STXBP5L: variants seen among roughly 807,000 people sequenced by gnomAD.
STXBP5L encodes the protein syntaxin binding protein 5L.
A neutral mutation model predicts 144.5 loss-of-function variants in STXBP5L; 65 were observed. The observed-to-expected ratio is 0.45, with a 90% CI of 0.37 to 0.55. The LOEUF is 0.55. Ranked by LOEUF, STXBP5L falls within the 20% of genes least tolerant of loss-of-function variation. STXBP5L has a pLI of 0.00. For synonymous variants in STXBP5L, 505 were observed against 469.6 expected (o/e 1.08, Z -0.97); for missense variants, 1,298 against 1,405.5 (o/e 0.92, Z 1.22).
intron 18 of STXBP5L, among the ~76,000 whole-genome samples, chr3:121,272,432 A>G (rs1276406774): frequency 6.6e-6 from 1 of 152,156 alleles, no homozygotes; most frequent in African/African-American, 2.4e-5. Context: ...TTCTGATATA[A>G]TTAAGCTACC....
chr3:121,076,969 A>C (rs1381735878), intron 5 of STXBP5L, among the ~76,000 whole-genome samples: 1 of 152,062 alleles, frequency 6.6e-6, no homozygotes, highest in Admixed American at 6.5e-5. Context: ...TATGGACTGT[A>C]TGCAGTGTCC....
intron 20 of STXBP5L, among the ~76,000 whole-genome samples, chr3:121,354,331 T>A (rs771003001): frequency 1.5e-4 from 23 of 152,102 alleles, no homozygotes; most frequent in Admixed American, 2.6e-4. Flanking sequence ...TCTTTGTATA[T>A]CTCTAAGGAC....
intron 20 of STXBP5L, among the ~76,000 whole-genome samples, chr3:121,348,320 G>T (rs1272959876): frequency 6.6e-5 from 10 of 152,094 alleles, no homozygotes; most frequent in African/African-American, 2.4e-4. Flanking sequence ...CTTGACCATG[G>T]TGGATAAGGG....
At chr3:120,977,647 CT>C (rs1941230618) in intron 3 of STXBP5L, among the ~76,000 whole-genome samples, 1 of 152,136 alleles carries the variant, frequency 6.6e-6, no homozygotes, top group Non-Finnish European at 1.5e-5. Context: ...CTTCGATGGT[CT>C]TTACAATTTG....
chr3:121,295,452 A>G (rs796185353), intron 19 of STXBP5L, among the ~76,000 whole-genome samples: 4 of 152,300 alleles, frequency 2.6e-5, no homozygotes, highest in African/African-American at 9.6e-5. Context: ...TTTACAGTGT[A>G]AATTTCTTAC....
At chr3:121,235,555 T>C (rs1429671121) in intron 12 of STXBP5L, among the ~76,000 whole-genome samples, 1 of 152,090 alleles carries the variant, frequency 6.6e-6, no homozygotes, top group Non-Finnish European at 1.5e-5. Context: ...CTCTTGCTAT[T>C]ATCAAATTCT....
chr3:120,991,242 A>G (rs1330929972), intron 3 of STXBP5L, among the ~76,000 whole-genome samples: 4 of 151,826 alleles, frequency 2.6e-5, no homozygotes, highest in Non-Finnish European at 5.9e-5. Flanking sequence ...GCTCATCATC[A>G]CTGGCCATCA....
chr3:121,405,326 T>C (rs772373401), intron 22 of STXBP5L, among the ~76,000 whole-genome samples: 1 of 152,136 alleles, frequency 6.6e-6, no homozygotes, highest in Non-Finnish European at 1.5e-5. Flanking sequence ...TCCTTAGTAC[T>C]CATTACTATC....
chr3:121,225,700 G>A (rs575924662), intron 11 of STXBP5L, among the ~76,000 whole-genome samples: 2 of 152,188 alleles, frequency 1.3e-5, no homozygotes, highest in Non-Finnish European at 2.9e-5. Context: ...GCCATGGCAG[G>A]CTAAATGCCA....
intron 3 of STXBP5L, among the ~76,000 whole-genome samples, chr3:121,014,757 G>T (rs1250061155): frequency 6.6e-6 from 1 of 151,934 alleles, no homozygotes; most frequent in African/African-American, 2.4e-5. Flanking sequence ...TGTATTTGCA[G>T]ATCTACATAT....
At chr3:121,023,486 T>C (rs1428096659) in intron 3 of STXBP5L, among the ~76,000 whole-genome samples, 1 of 152,134 alleles carries the variant, frequency 6.6e-6, no homozygotes, top group East Asian at 1.9e-4. Context: ...ATTATCCCAT[T>C]GCAAACTACA....
intron 3 of STXBP5L, among the ~76,000 whole-genome samples, chr3:120,965,375 T>C (rs184423487): frequency 8.1e-4 from 124 of 152,352 alleles, no homozygotes; most frequent in African/African-American, 2.9e-3. Flanking sequence ...ATAGCATCGA[T>C]GGTCTTTATA....
intron 20 of STXBP5L, among the ~76,000 whole-genome samples, chr3:121,335,166 G>T (rs2044461703): frequency 6.6e-6 from 1 of 152,008 alleles, no homozygotes; most frequent in African/African-American, 2.4e-5. Context: ...ACCAACAATA[G>T]CCAAACCAAC....
chr3:120,992,771 C>T (rs6779261), intron 3 of STXBP5L, among the ~76,000 whole-genome samples: 1,922 of 152,124 alleles, frequency 0.013, 17 homozygotes, highest in Non-Finnish European at 0.02. Flanking sequence ...CATGGAACTG[C>T]AGATATTCCT....
chr3:121,016,521 T>G (rs1945157839), intron 3 of STXBP5L, among the ~76,000 whole-genome samples: 1 of 152,120 alleles, frequency 6.6e-6, no homozygotes, highest in African/African-American at 2.4e-5. Context: ...GTCATTGAGT[T>G]TGAAGATAGA....
intron 20 of STXBP5L, among the ~76,000 whole-genome samples, chr3:121,349,443 G>T (rs1056948617): frequency 3.3e-5 from 5 of 151,964 alleles, no homozygotes; most frequent in African/African-American, 1.2e-4. Context: ...TGTTGATTTG[G>T]GGTGGAGAGT....
intron 3 of STXBP5L, among the ~76,000 whole-genome samples, chr3:120,976,128 T>C (rs1940973204): frequency 6.6e-6 from 1 of 152,200 alleles, no homozygotes; most frequent in Non-Finnish European, 1.5e-5. Flanking sequence ...TGGTACCAGC[T>C]CCTCTTGTAC....
chr3:121,112,157 A>T (rs978078275), intron 5 of STXBP5L, among the ~76,000 whole-genome samples: 2 of 151,976 alleles, frequency 1.3e-5, no homozygotes, highest in Non-Finnish European at 2.9e-5. Flanking sequence ...CATCTTAGGC[A>T]ACAGGCAGCT....
At chr3:120,911,190 G>A (rs1358481893) in intron 2 of STXBP5L, among the ~76,000 whole-genome samples, 1 of 152,074 alleles carries the variant, frequency 6.6e-6, no homozygotes, top group Non-Finnish European at 1.5e-5. Context: ...AAACAGAATG[G>A]CATTGGGCTG....
Sources: gnomAD v4.1 joint callset for allele counts (sites outside exome capture counted in the v4.1 genomes callset) on GRCh38, gnomAD v4.1.1 for gene constraint, MANE v1.5 for transcripts, NCBI Gene and HGNC (gene_info 2026-07-23, HGNC 2026-07-21) for gene names.